The following TANC1 variants were observed in gnomAD, a reference collection of about 807,000 sequenced individuals.
TANC1 encodes the protein protein TANC1.
Under a neutral mutation model 149.7 loss-of-function variants are expected in TANC1, and 77 were observed. That is an observed-to-expected ratio of 0.51 (90% confidence interval 0.43 to 0.62). The LOEUF is 0.62. TANC1 is among the 20% of genes least tolerant of loss of function. The probability of loss-of-function intolerance (pLI) is 0.00; values close to 1 mark genes in which losing one functional copy is unlikely to be tolerated. For synonymous variants in TANC1, 854 were observed against 925.0 expected (o/e 0.92, Z 1.39); for missense variants, 1,985 against 2,321.8 (o/e 0.85, Z 2.98).
chr2:159,014,559 C>T (rs2038078175), intron 2 of TANC1, among the ~76,000 whole-genome samples: 1 of 152,258 alleles, frequency 6.6e-6, no homozygotes, highest in South Asian at 2.1e-4. Context: ...TCCCAATAGT[C>T]CCCCACAGTC....
intron 4 of TANC1, among the ~76,000 whole-genome samples, chr2:159,109,314 C>A (rs1361403328): frequency 6.6e-6 from 1 of 152,178 alleles, no homozygotes; most frequent in Non-Finnish European, 1.5e-5. Flanking sequence ...TCCTCTGAAA[C>A]ATGGGGTAAT....
chr2:159,021,594 A>G lies in TANC1; in HGVS notation c.-16+20405A>G, dbSNP rs548952412. ...TAGCCATTGCACTCCAGCCTGGGCA[A>G]TGTAACGAGACCCTATCTCTTTAAA... On this transcript the variant is annotated intron_variant, in intron 2 of 26. Transcript: ENST00000263635. 3.9e-5 allele frequency among the ~76,000 whole-genome samples: 6 copies of G among 152,264 alleles called. No individual in the cohort carries two copies. The East Asian group carries it at 1.2e-3, about 29-fold the overall frequency.
intron 4 of TANC1, among the ~76,000 whole-genome samples, chr2:159,098,403 C>G (rs182907990): frequency 6.6e-6 from 1 of 152,276 alleles, no homozygotes; most frequent in Middle Eastern, 3.4e-3. Flanking sequence ...TGAGGATGTT[C>G]GCACAATGAC....
rs751147614 is a variant in TANC1 at position 159,230,303 on chromosome 2, C to A, written c.4877C>A (p.Thr1626Asn). ...PAHPLPSKTK[T>N]TERLLSHSSV... ...CACCCTTTACCAAGTAAGACGAAAA[C>A]CACAGAGAGGCTTCTGTCTCATTCC... The change falls in exon 27 of 27, where the codon ACC becomes AAC. Residue 1626 changes from threonine (T) to asparagine (N), a missense_variant. Coordinates refer to ENST00000263635, the MANE Select transcript of TANC1 (RefSeq NM_033394.3). This position sits in a 1 kb window ranked among gnomAD's most constrained non-coding sequence, Gnocchi z 4.4. 1.9e-6 allele frequency: 3 copies of A among 1,614,170 alleles called. No homozygotes were observed. The South Asian group carries it at 3.3e-5, about 18-fold the overall frequency.
intron 4 of TANC1, among the ~76,000 whole-genome samples, chr2:159,125,421 G>C (rs1158550519): frequency 6.6e-6 from 1 of 152,166 alleles, no homozygotes; most frequent in Non-Finnish European, 1.5e-5. Context: ...AGGCACATCT[G>C]GCTCTCTTCT....
chr2:159,203,653 C>T (rs1489370737), intron 19 of TANC1, among the ~76,000 whole-genome samples: 1 of 152,166 alleles, frequency 6.6e-6, no homozygotes, highest in Non-Finnish European at 1.5e-5. Context: ...GCAGCATCTG[C>T]CTCCCCACAC....
intron 1 of TANC1, among the ~76,000 whole-genome samples, chr2:158,994,077 G>C (rs1250719077): frequency 6.6e-6 from 1 of 152,094 alleles, no homozygotes; most frequent in Non-Finnish European, 1.5e-5. Flanking sequence ...CACTTTCCAG[G>C]GGGGGATTTC....
intron 2 of TANC1, among the ~76,000 whole-genome samples, chr2:159,050,282 AT>A (rs952802438): frequency 1.3e-5 from 2 of 151,914 alleles, no homozygotes; most frequent in Admixed American, 6.6e-5. Flanking sequence ...TTAAAAAAAA[AT>A]TTTTTTTGTA....
At position 158,984,745 on chromosome 2, in the gene TANC1, G is replaced by A. The variant is rs879670147; in HGVS notation, c.-126+15963G>A. Among the ~76,000 whole-genome samples the A allele has an allele frequency of 4.8e-4, 73 of 152,192 alleles. 1 individual carries two copies. Among genetic ancestry groups the A allele is most frequent in the South Asian group, 6.2e-4 (3 of 4,812 alleles). On this transcript the variant is annotated intron_variant, in intron 1 of 26. Transcript: ENST00000263635. ...CAGGGAGGAGGGGGAGGAGGTGAAG[G>A]TGACTTTGCCAGGTGGGAAAGAGGG...
rs146590743 is a variant in TANC1, at chr2:159,213,296, G to A, written c.3245-4201G>A. ...AGGAATCATTAACGTTATCATCGTG[G>A]CAGGAAGAGACTACAGCGAGAATTC... On this transcript the variant is annotated intron_variant, in intron 19 of 26. Transcript: ENST00000263635. Among the ~76,000 whole-genome samples, 69 of 152,170 alleles carry A rather than the reference G, an allele frequency of 4.5e-4. No homozygotes were observed. The East Asian group carries it at 0.01, about 22-fold the overall frequency.
intron 2 of TANC1, among the ~76,000 whole-genome samples, chr2:159,062,044 C>T (rs1481034146): frequency 6.6e-6 from 1 of 152,120 alleles, no homozygotes; most frequent in Non-Finnish European, 1.5e-5. Context: ...TTGAGACCAG[C>T]CTGGCCAACA....
intron 3 of TANC1, among the ~76,000 whole-genome samples, chr2:159,090,723 C>G (rs562526484): frequency 2.6e-4 from 40 of 152,360 alleles, no homozygotes; most frequent in African/African-American, 9.6e-4. Flanking sequence ...CGTGACTTCA[C>G]CCTTCATTGG....
chr2:159,207,882 C>T (rs2150823051), intron 19 of TANC1, among the ~76,000 whole-genome samples: 1 of 152,026 alleles, frequency 6.6e-6, no homozygotes, highest in South Asian at 2.1e-4. Context: ...ATATGGAGGA[C>T]CAAGAGCATC....
chr2:159,224,422 C>T lies in TANC1; in HGVS notation c.3811+58C>T, dbSNP rs1321360395. ...AGCGGTGAGCTCCCGATTGTAGAAG[C>T]CTAGACAGCACAGAGAGTGACCTGC... On this transcript the variant is annotated intron_variant, in intron 23 of 26. Transcript: ENST00000263635. 3.7e-6 allele frequency: 6 copies of T among 1,603,422 alleles called. No homozygotes were observed. In the East Asian group the frequency reaches 1.1e-4, roughly 30 times the overall value.
At chr2:159,065,807 G>C in intron 2 of TANC1, 89 bp from the exon 3 acceptor site, 1 of 1,054,046 alleles carries the variant, frequency 9.5e-7, no homozygotes, top group Non-Finnish European at 1.5e-6. Flanking sequence ...CTGTTTGTTT[G>C]AACACAAGTT....
At position 159,228,854 on chromosome 2, in the gene TANC1, A is replaced by G. The variant is rs747146174; in HGVS notation, c.4109A>G (p.Tyr1370Cys). The G allele has an allele frequency of 8.7e-6, 14 of 1,614,064 alleles. No homozygotes were observed. Among genetic ancestry groups the G allele is most frequent in the Admixed American group, 5.0e-5 (3 of 60,014 alleles). ...GCTCTCGAATTGAAGCCCAAGTCCT[A>G]TGAAGCCTTTTATGCCAGAGCAAGA... is the stretch of plus-strand genomic sequence containing the variant. ...SKALELKPKSYEAFYARARAK... is the reference protein window; with the variant it reads ...SKALELKPKSCEAFYARARAK... The change falls in exon 26 of 27, where the codon TAT becomes TGT. Residue 1370 changes from tyrosine to cysteine, a missense_variant. Tyr to Cys is a radical substitution (Grantham distance 194, BLOSUM62 -2). This residue lies in a region of TANC1 where 920 missense variants were observed against 994.7 expected (regional missense o/e 0.92). Transcript: ENST00000263635.
At chr2:159,090,138 G>A (rs897088416) in intron 3 of TANC1, among the ~76,000 whole-genome samples, 2 of 152,180 alleles carry the variant, frequency 1.3e-5, no homozygotes, top group African/African-American at 4.8e-5. Flanking sequence ...CTGGTTCGAT[G>A]TGTATCCTTC....
chr2:159,020,791 G>A (rs935963223), intron 2 of TANC1, among the ~76,000 whole-genome samples: 1 of 151,866 alleles, frequency 6.6e-6, no homozygotes, highest in Non-Finnish European at 1.5e-5. Context: ...GGTACAGCCA[G>A]AACCCTCTGG....
chr2:158,992,801 T>C (rs1360927807), intron 1 of TANC1, among the ~76,000 whole-genome samples: 1 of 151,872 alleles, frequency 6.6e-6, no homozygotes, highest in Admixed American at 6.6e-5. Flanking sequence ...ATTACAGGCA[T>C]GAGCCACCGC....
Sources: allele counts gnomAD v4.1 joint callset (sites outside exome capture counted in the v4.1 genomes callset), GRCh38; gene constraint gnomAD v4.1.1; regional missense constraint gnomAD v4.1.1; non-coding constraint Gnocchi (gnomAD v3.1); transcripts MANE v1.5; gene names NCBI Gene and HGNC (gene_info 2026-07-23, HGNC 2026-07-21).